Variants in TMEM108 observed in about 807,000 individuals in gnomAD.
TMEM108 encodes the protein cancer/testis antigen 124.
TMEM108 carries 12 observed loss-of-function variants against 35.1 expected under a neutral mutation model. That is an observed-to-expected ratio of 0.34 (90% CI 0.22 to 0.55). The LOEUF (loss-of-function observed/expected upper bound fraction) is 0.55. Ranked by LOEUF, TMEM108 falls within the 20% of genes least tolerant of loss-of-function variation. The probability of loss-of-function intolerance (pLI) is 0.89; values close to 1 mark genes in which losing one functional copy is unlikely to be tolerated. For synonymous variants in TMEM108, 287 were observed against 308.6 expected (o/e 0.93, Z 0.73); for missense variants, 680 against 753.3 (o/e 0.90, Z 1.14).
At chr3:133,135,929 A>G (rs565269431) in intron 2 of TMEM108, among the ~76,000 whole-genome samples, 13 of 152,240 alleles carry the variant, frequency 8.5e-5, no homozygotes, top group African/African-American at 3.1e-4. Context: ...CTTCAGGACA[A>G]ATGGTGCGTT....
chr3:133,118,741 T>G (rs968649410), intron 2 of TMEM108, among the ~76,000 whole-genome samples: 2 of 152,112 alleles, frequency 1.3e-5, no homozygotes, highest in African/African-American at 2.4e-5. Flanking sequence ...CCACTGGTGG[T>G]TCTCCTACCC....
Position 133,380,666 on chromosome 3 carries a change from C to A in TMEM108, c.955C>A (p.Arg319Ser). The change falls in exon 4 of 6, where the codon CGC becomes AGC. Residue 319 changes from arginine (R) to serine (S), a missense_variant. By Grantham distance (110) the Arg-to-Ser change is moderately radical. Around this residue, in one of 3 missense-constraint regions of TMEM108, gnomAD observed 526 missense variants for 532.1 expected, o/e 0.99. Transcript: ENST00000321871. The surrounding 1 kb of genome is among the most constrained non-coding windows in gnomAD (Gnocchi z 5.3). The part of the protein sequence containing the change: ...SPQAAPVPSQ[R>S]PHHGDPQDGP... Reference sequence around the variant, plus strand: ...ACAAGCTGCCCCAGTGCCTTCTCAGCGCCCCCACCACGGTGACCCACAGGA... The same window carrying A: ...ACAAGCTGCCCCAGTGCCTTCTCAGAGCCCCCACCACGGTGACCCACAGGA... 6.2e-7 allele frequency: 1 copy of A among 1,614,000 alleles called. No homozygotes were observed.
At chr3:133,154,834 A>C (rs2107771768) in intron 2 of TMEM108, among the ~76,000 whole-genome samples, 1 of 152,288 alleles carries the variant, frequency 6.6e-6, no homozygotes, top group South Asian at 2.1e-4. Flanking sequence ...CACGTTGTGT[A>C]CATGTACTGT....
Position 133,143,975 on chromosome 3 carries a change from T to TATTTTA in TMEM108, c.-46-85290_-46-85285dup, listed in dbSNP as rs1553739802. Among the ~76,000 whole-genome samples the TATTTTA allele has an allele frequency of 4.5e-3, 683 of 150,896 alleles. 4 individuals are homozygous for TATTTTA. Among genetic ancestry groups the TATTTTA allele is most frequent in the African/African-American group, 0.016 (644 of 40,964 alleles). On this transcript the variant is annotated intron_variant, in intron 2 of 5. Transcript: ENST00000321871. ...TATTTTATTTTATTTTATTTTATTTTATTTTATTTTGCTTTGCTTTAAATT... is the reference window on the plus strand; with the variant it reads ...TATTTTATTTTATTTTATTTTATTTTATTTTAATTTTATTTTGCTTTGCTTTAAATT...
At chr3:133,167,988 C>T (rs1309591391) in intron 2 of TMEM108, among the ~76,000 whole-genome samples, 1 of 152,136 alleles carries the variant, frequency 6.6e-6, no homozygotes, top group African/African-American at 2.4e-5. Context: ...CCTTTCCTGT[C>T]ATGGCCTTAC....
intron 2 of TMEM108, among the ~76,000 whole-genome samples, chr3:133,082,404 G>A (rs894240114): frequency 7.9e-5 from 12 of 152,156 alleles, no homozygotes; most frequent in South Asian, 2.1e-4. Flanking sequence ...CGTTGTATGC[G>A]TTGTTACTTC....
intron 2 of TMEM108, among the ~76,000 whole-genome samples, chr3:133,051,847 A>G (rs185936345): frequency 4.6e-5 from 7 of 152,144 alleles, no homozygotes; most frequent in African/African-American, 1.4e-4. Flanking sequence ...ATTCTGTTCT[A>G]TTGGTCTATA....
At chr3:133,388,553 C>T (rs1192802637) in intron 4 of TMEM108, 26 of 985,408 alleles carry the variant, frequency 2.6e-5, no homozygotes, top group South Asian at 4.7e-5. Context: ...CTCTCAAATC[C>T]CCGTTAGCCC....
intron 2 of TMEM108, among the ~76,000 whole-genome samples, chr3:133,057,275 T>C (rs1472550066): frequency 6.6e-6 from 1 of 152,062 alleles, no homozygotes; most frequent in Non-Finnish European, 1.5e-5. Context: ...CCCTTCTTAC[T>C]ATTTCTTACT....
intron 2 of TMEM108, among the ~76,000 whole-genome samples, chr3:133,075,661 T>A (rs74920419): frequency 0.017 from 2,543 of 152,264 alleles, 82 homozygotes; most frequent in African/African-American, 0.058. Context: ...ATCCTTTTTA[T>A]CTTTTTGATA....
At chr3:133,047,517 T>C (rs536533699) in intron 2 of TMEM108, among the ~76,000 whole-genome samples, 1 of 152,330 alleles carries the variant, frequency 6.6e-6, no homozygotes, top group Non-Finnish European at 1.5e-5. Context: ...CACTATTTAT[T>C]GACACTTTGA....
chr3:133,263,256 A>G (rs1015628178), intron 3 of TMEM108, among the ~76,000 whole-genome samples: 1 of 152,230 alleles, frequency 6.6e-6, no homozygotes, highest in Non-Finnish European at 1.5e-5. Context: ...AATTAGGTGA[A>G]TTCCATTTTC....
intron 2 of TMEM108, among the ~76,000 whole-genome samples, chr3:133,088,443 G>C (rs1360922177): frequency 6.6e-6 from 1 of 152,196 alleles, no homozygotes; most frequent in Admixed American, 6.5e-5. Context: ...AGAGCATGTG[G>C]GGTGGTAGGA....
chr3:133,041,288 A>G (rs894729732), intron 1 of TMEM108, among the ~76,000 whole-genome samples: 1 of 152,168 alleles, frequency 6.6e-6, no homozygotes, highest in Non-Finnish European at 1.5e-5. Context: ...AGCATCAGTT[A>G]TGCTTGTAAT....
intron 3 of TMEM108, among the ~76,000 whole-genome samples, chr3:133,316,509 A>G (rs990970237): frequency 1.3e-5 from 2 of 152,226 alleles, no homozygotes; most frequent in South Asian, 4.1e-4. Context: ...TCACTTGAAC[A>G]TCATTATGCC....
chr3:133,256,030 A>G (rs563121027), intron 3 of TMEM108, among the ~76,000 whole-genome samples: 30 of 152,132 alleles, frequency 2.0e-4, no homozygotes, highest in Non-Finnish European at 3.8e-4. Context: ...CAAGAACTGC[A>G]TGCATGCCTG....
intron 2 of TMEM108, among the ~76,000 whole-genome samples, chr3:133,056,268 T>G (rs949239210): frequency 6.6e-6 from 1 of 152,218 alleles, no homozygotes; most frequent in Non-Finnish European, 1.5e-5. Flanking sequence ...CCCAAACTGG[T>G]CCTTGGTCCC....
chr3:133,281,956 G>C lies in TMEM108; in HGVS notation c.40+52605G>C, dbSNP rs568937828. On this transcript the variant is annotated intron_variant, in intron 3 of 5. Coordinates refer to ENST00000321871, the MANE Select transcript of TMEM108 (RefSeq NM_023943.4). ...GCGGATCATGAGGTCAGGAGATCGA[G>C]ACCATCCTGGCTAACACGGTGAAAC... 4.6e-5 allele frequency among the ~76,000 whole-genome samples: 7 copies of C among 152,296 alleles called. No homozygotes were observed. The South Asian group carries it at 1.5e-3, about 32-fold the overall frequency.
At chr3:133,258,183 C>A (rs1433462411) in intron 3 of TMEM108, among the ~76,000 whole-genome samples, 2 of 152,164 alleles carry the variant, frequency 1.3e-5, no homozygotes, top group Non-Finnish European at 2.9e-5. Flanking sequence ...CTCACCCCTT[C>A]CTCCGTTTGA....
Sources: allele counts gnomAD v4.1 joint callset (sites outside exome capture counted in the v4.1 genomes callset), GRCh38; gene constraint gnomAD v4.1.1; regional missense constraint gnomAD v4.1.1; non-coding constraint Gnocchi (gnomAD v3.1); transcripts MANE v1.5; gene names NCBI Gene and HGNC (gene_info 2026-07-23, HGNC 2026-07-21).